Variants in GDPD1 observed in about 807,000 individuals in gnomAD.
GDPD1 encodes glycerophosphodiester phosphodiesterase domain containing 1.
GDPD1 carries 28 observed loss-of-function variants against 45.1 expected under a neutral mutation model. The observed-to-expected ratio is 0.62, with a 90% CI of 0.46 to 0.85. The LOEUF is 0.85. Ranked by LOEUF, GDPD1 falls within the 40% of genes least tolerant of loss-of-function variation. The pLI, the probability that GDPD1 is intolerant of heterozygous loss-of-function variation, is 0.00. For synonymous variants in GDPD1, 139 were observed against 131.4 expected, an observed-to-expected ratio of 1.06 and a Z score of -0.40; for missense variants, 256 against 364.8, an observed-to-expected ratio of 0.70 and a Z score of 2.43.
intron 3 of GDPD1, among the ~76,000 whole-genome samples, chr17:59,247,133 G>A (rs1316246430): frequency 6.6e-6 from 1 of 152,106 alleles, no homozygotes; most frequent in African/African-American, 2.4e-5. Flanking sequence ...GCAAAATTGA[G>A]TGGAAAATAC....
chr17:59,263,887 G>A (rs1206886948), intron 6 of GDPD1, among the ~76,000 whole-genome samples: 1 of 152,168 alleles, frequency 6.6e-6, no homozygotes, highest in Non-Finnish European at 1.5e-5. Flanking sequence ...GCACACAGTG[G>A]TAGTGGGAAA....
At chr17:59,228,507 T>G (rs2047064769) in intron 1 of GDPD1, among the ~76,000 whole-genome samples, 1 of 152,186 alleles carries the variant, frequency 6.6e-6, no homozygotes, top group Admixed American at 6.5e-5. Flanking sequence ...AGAGACTGTT[T>G]AACTCTGTCT....
intron 3 of GDPD1, among the ~76,000 whole-genome samples, chr17:59,246,663 C>T (rs1458101380): frequency 4.9e-5 from 6 of 122,662 alleles, no homozygotes; most frequent in East Asian, 2.6e-4. Context: ...GACCCGAGAT[C>T]GTGCCATTGC....
At chr17:59,265,371 CA>C (rs2047391102) in intron 6 of GDPD1, among the ~76,000 whole-genome samples, 1 of 150,758 alleles carries the variant, frequency 6.6e-6, no homozygotes, top group African/African-American at 2.4e-5. Flanking sequence ...TCTGTCTCTA[CA>C]AAAAATTTTT....
intron 3 of GDPD1, among the ~76,000 whole-genome samples, chr17:59,246,117 CA>C (rs377607565): frequency 0.014 from 1,711 of 126,466 alleles, 30 homozygotes; most frequent in African/African-American, 0.045. Context: ...GACTCTGTCT[CA>C]AAAAAAAAAA....
chr17:59,246,774 A>G (rs67211445), intron 3 of GDPD1, among the ~76,000 whole-genome samples: 59,169 of 145,464 alleles, frequency 0.41, 13,124 homozygotes, highest in African/African-American at 0.58. Flanking sequence ...GCAAGGAAAC[A>G]TAAGAGATAA....
chr17:59,272,894 T>C (rs773867622), intron 9 of GDPD1, 58 bp downstream of exon 9: 59 of 1,612,820 alleles, frequency 3.7e-5, no homozygotes, highest in Admixed American at 6.7e-5. Context: ...TTAACACAAA[T>C]ATAAAGGGCA....
At position 59,220,521 on chromosome 17, in the gene GDPD1, C is replaced by A; in HGVS notation, c.-89C>A. On this transcript the variant is annotated 5_prime_UTR_variant, in exon 1 of 10. Coordinates refer to ENST00000284116, the MANE Select transcript of GDPD1 (RefSeq NM_182569.4). ...GCACCGGCTGGGGGCGAGCCGACCT[C>A]GAGCAGCCGCCGCCGCCGCCGTCGT... is the stretch of plus-strand genomic sequence containing the variant. The A allele has an allele frequency of 6.9e-7, 1 of 1,459,276 alleles. No individual in the cohort carries two copies. Among genetic ancestry groups the A allele is most frequent in the Non-Finnish European group, 9.4e-7 (1 of 1,068,614 alleles). The allele number at this position is 1,459,276 out of a possible 1,614,324, so 90.4% of individuals were successfully genotyped here.
chr17:59,252,887 C>T (rs1390232843), intron 4 of GDPD1, among the ~76,000 whole-genome samples: 1 of 150,618 alleles, frequency 6.6e-6, no homozygotes, highest in African/African-American at 2.4e-5. Context: ...GTTATACCAG[C>T]TACTTCTGAG....
intron 2 of GDPD1, among the ~76,000 whole-genome samples, chr17:59,243,171 AGAGT>A (rs2147884945): frequency 6.6e-6 from 1 of 152,170 alleles, no homozygotes; most frequent in Admixed American, 6.6e-5. Context: ...CCTGGGTGAC[AGAGT>A]GAGACTCTGT....
chr17:59,230,165 A>G (rs370905299), intron 1 of GDPD1, among the ~76,000 whole-genome samples: 1 of 152,154 alleles, frequency 6.6e-6, no homozygotes, highest in Admixed American at 6.6e-5. Context: ...AGGATATGGT[A>G]TTAGAATGAC....
intron 4 of GDPD1, among the ~76,000 whole-genome samples, chr17:59,254,360 C>T: frequency 1.6e-5 from 1 of 62,174 alleles, no homozygotes; most frequent in Middle Eastern, 0.012. Context: ...GACTCCGTCT[C>T]AAAAAAAAAA....
Position 59,220,622 on chromosome 17 carries a change from G to T in GDPD1, c.13G>T (p.Ala5Ser), listed in dbSNP as rs2046995511. The part of the protein sequence containing the change: MSST[A>S]AFYLLSTLGG... ...CACGGTGACTGAGATGTCGTCCACT[G>T]CGGCTTTTTACCTTCTCTCTACGCT... is the stretch of plus-strand genomic sequence containing the variant. The change falls in exon 1 of 10, where the codon GCG becomes TCG. Residue 5 changes from alanine (A) to serine (S), a missense_variant. Coordinates refer to ENST00000284116, the MANE Select transcript of GDPD1 (RefSeq NM_182569.4). The T allele has an allele frequency of 6.2e-7, 1 of 1,613,772 alleles. No individual in the cohort carries two copies. Among genetic ancestry groups the T allele is most frequent in the Non-Finnish European group, 8.5e-7 (1 of 1,179,846 alleles).
At chr17:59,255,549 C>T (rs2047289762) in intron 4 of GDPD1, among the ~76,000 whole-genome samples, 1 of 149,620 alleles carries the variant, frequency 6.7e-6, no homozygotes, top group African/African-American at 2.5e-5. Flanking sequence ...TGAGACCATC[C>T]TGGCCAACAT....
intron 7 of GDPD1, 49 bp downstream of exon 7, chr17:59,267,223 ACT>A: frequency 6.6e-7 from 1 of 1,523,672 alleles, no homozygotes; most frequent in Non-Finnish European, 9.0e-7. Context: ...TTACAGAAAG[ACT>A]AAGATAAAAG....
At chr17:59,257,493 C>T (rs1348460740) in intron 5 of GDPD1, among the ~76,000 whole-genome samples, 1 of 152,146 alleles carries the variant, frequency 6.6e-6, no homozygotes, top group Admixed American at 6.6e-5. Context: ...ATGTAATTAT[C>T]TTCTAGTTTA....
intron 2 of GDPD1, among the ~76,000 whole-genome samples, chr17:59,242,461 A>G (rs1022103783): frequency 6.6e-6 from 1 of 152,244 alleles, no homozygotes; most frequent in Non-Finnish European, 1.5e-5. Flanking sequence ...GAAGTAAAAA[A>G]TTGGCCTGCT....
chr17:59,236,824 G>T (rs1433347316), intron 2 of GDPD1, among the ~76,000 whole-genome samples: 4 of 151,874 alleles, frequency 2.6e-5, no homozygotes. Flanking sequence ...ATATGCTATT[G>T]TTAATGTTTG....
At chr17:59,231,324 C>CTTTTTTTTTTTTT (rs557850341) in intron 1 of GDPD1, among the ~76,000 whole-genome samples, 1 of 114,422 alleles carries the variant, frequency 8.7e-6, no homozygotes, top group Non-Finnish European at 1.7e-5. Context: ...TTCTTTCTTT[C>CTTTTTTTTTTTTT]TTTTTTTTTT....
Sources: gnomAD v4.1 joint callset for allele counts (sites outside exome capture counted in the v4.1 genomes callset) on GRCh38, gnomAD v4.1.1 for gene constraint, MANE v1.5 for transcripts, NCBI Gene and HGNC (gene_info 2026-07-23, HGNC 2026-07-21) for gene names.